Variants in MARCHF6 observed in about 807,000 individuals in gnomAD.
MARCHF6 encodes the protein membrane associated ring-CH-type finger 6, also known as E3 ubiquitin-protein ligase MARCHF6.
MARCHF6 carries 31 observed loss-of-function variants against 133.7 expected under a neutral mutation model. That is an observed-to-expected ratio of 0.23 (90% CI 0.17 to 0.31). MARCHF6 has a LOEUF of 0.31. Among genes scored for constraint, MARCHF6 ranks in the 10% least tolerant of loss-of-function variants. MARCHF6 has a pLI of 1.00. For missense variants in MARCHF6, 723 were observed against 1,121.6 expected, an observed-to-expected ratio of 0.64 and a Z score of 5.08; for synonymous variants, 395 against 402.5, an observed-to-expected ratio of 0.98 and a Z score of 0.22.
chr5:10,403,566 G>A (rs774991271), intron 15 of MARCHF6, 25 bp downstream of exon 15: 10 of 1,581,970 alleles, frequency 6.3e-6, no homozygotes, highest in Non-Finnish European at 8.6e-6. Flanking sequence ...AAATGCTGAT[G>A]CTGTACATTT....
At chr5:10,375,750 G>A (rs1385535853) in intron 1 of MARCHF6, among the ~76,000 whole-genome samples, 1 of 152,218 alleles carries the variant, frequency 6.6e-6, no homozygotes, top group African/African-American at 2.4e-5. Context: ...AGCTGCTCTG[G>A]TGGAGCCTTG....
intron 17 of MARCHF6, 32 bp downstream of exon 17, chr5:10,407,234 A>C: frequency 1.7e-6 from 2 of 1,177,354 alleles, no homozygotes; most frequent in Non-Finnish European, 2.5e-6. Context: ...TAGCTTTACT[A>C]ATTTATCTCT....
chr5:10,402,795 A>G (rs976639250), intron 14 of MARCHF6, among the ~76,000 whole-genome samples, 188 bp downstream of exon 14: 15 of 152,114 alleles, frequency 9.9e-5, no homozygotes, highest in African/African-American at 2.2e-4. Flanking sequence ...GCTTTGTGCA[A>G]ATTTTTGATG....
Position 10,439,612 on chromosome 5 carries a change from A to G in MARCHF6, c.*5928A>G, listed in dbSNP as rs899152289. 6.6e-6 allele frequency: 1 copy of G among 152,236 alleles called. No individual in the cohort carries two copies. Among genetic ancestry groups the G allele is most frequent in the African/African-American group, 2.4e-5 (1 of 41,466 alleles). The allele number at this position is 152,236 out of a possible 1,614,324, so 9.4% of individuals were successfully genotyped here. A position where few individuals can be genotyped will look rare whatever the true frequency, so the allele number is the denominator to read the frequency against. On this transcript the variant is annotated 3_prime_UTR_variant, in exon 26 of 26. Transcript: ENST00000274140. ...AACAAGTAAACCCATTGTTTACTTA[A>G]TCGCTGTTTCTCCTGAGCTTGCTGC...
At chr5:10,398,303 G>C (rs921767893) in intron 10 of MARCHF6, among the ~76,000 whole-genome samples, 2 of 152,174 alleles carry the variant, frequency 1.3e-5, no homozygotes, top group African/African-American at 4.8e-5. Context: ...AAGCCATGTG[G>C]TGTAAGGGGC....
At chr5:10,396,541 G>T (rs1332694394) in intron 9 of MARCHF6, among the ~76,000 whole-genome samples, 2 of 152,186 alleles carry the variant, frequency 1.3e-5, no homozygotes, top group African/African-American at 2.4e-5. Context: ...CCTGAACAGA[G>T]AAATCCTTTT....
At chr5:10,358,318 C>A (rs1419360794) in intron 1 of MARCHF6, among the ~76,000 whole-genome samples, 1 of 152,128 alleles carries the variant, frequency 6.6e-6, no homozygotes, top group Non-Finnish European at 1.5e-5. Flanking sequence ...TGTAGGACTT[C>A]ATTGACTTTT....
At position 10,435,403 on chromosome 5, in the gene MARCHF6, A is replaced by G. The variant is rs1740559155; in HGVS notation, c.*1719A>G. The G allele has an allele frequency of 6.6e-6, 1 of 151,284 alleles. No homozygotes were observed. The highest frequency in any genetic ancestry group is 1.5e-5 in the Non-Finnish European group (1 of 67,790). 9.4% of individuals were successfully genotyped at this position (151,284 alleles called of 1,614,324 possible). A position where few individuals can be genotyped will look rare whatever the true frequency, so the allele number is the denominator to read the frequency against. ...GGAAAAAAAAAAAAAAATCAGTATCAGAAATAATGCTTGACATAGGATTCA... is the reference window on the plus strand; with the variant it reads ...GGAAAAAAAAAAAAAAATCAGTATCGGAAATAATGCTTGACATAGGATTCA... On this transcript the variant is annotated 3_prime_UTR_variant, in exon 26 of 26. Coordinates refer to ENST00000274140, the MANE Select transcript of MARCHF6 (RefSeq NM_005885.4).
chr5:10,426,071 A>G (rs1432434957), intron 23 of MARCHF6, among the ~76,000 whole-genome samples: 2 of 152,240 alleles, frequency 1.3e-5, no homozygotes, highest in Non-Finnish European at 2.9e-5. Context: ...AGTTACTTCA[A>G]GTAATGTGGT....
rs146211119 is a variant in MARCHF6, at chr5:10,391,688, C to T, written c.723C>T (p.Asp241=). The T allele has an allele frequency of 1.3e-4, 210 of 1,602,516 alleles. No individual in the cohort carries two copies. Among genetic ancestry groups the T allele is most frequent in the Middle Eastern group, 3.3e-4 (2 of 6,000 alleles). ...EEEEDNEEED[D]AGVEDAADAN... is the part of the protein sequence containing the mutation. ...AGGAGGACAATGAGGAGGAAGATGA[C>T]GCTGGTGTGGAGGATGCGGCAGATG... The change falls in exon 7 of 26, where the codon GAC becomes GAT. Residue 241 remains aspartate (D), a synonymous_variant. Transcript: ENST00000274140.
In MARCHF6 at chr5:10,408,518, A is replaced by G. The variant is rs376903966; in HGVS notation, c.1553+1316A>G. The stretch of plus-strand genomic sequence containing the variant: ...GCAAGCATTTGATATTCTTTTTAAA[A>G]TCCAGATTAAGGTTTTTAAATTTTA... On this transcript the variant is annotated intron_variant, in intron 17 of 25. Coordinates refer to ENST00000274140, the MANE Select transcript of MARCHF6 (RefSeq NM_005885.4). 3.9e-5 allele frequency among the ~76,000 whole-genome samples: 6 copies of G among 152,256 alleles called. No homozygotes were observed. The East Asian group carries it at 1.2e-3, about 29-fold the overall frequency.
At position 10,387,554 on chromosome 5, in the gene MARCHF6, C is replaced by A. The variant is rs149210754; in HGVS notation, c.407+488C>A. On this transcript the variant is annotated intron_variant, in intron 5 of 25. Coordinates refer to ENST00000274140, the MANE Select transcript of MARCHF6 (RefSeq NM_005885.4). ...CTGACCTCAGGTGATCCACCCGCTT[C>A]GGGCTCCCAAAGTGCTGGGATTACA... is the stretch of plus-strand genomic sequence containing the variant. Among the ~76,000 whole-genome samples the A allele has an allele frequency of 9.4e-3, 1,437 of 152,276 alleles. 8 individuals carry two copies. The highest frequency in any genetic ancestry group is 0.039 in the South Asian group (190 of 4,828).
intron 20 of MARCHF6, among the ~76,000 whole-genome samples, chr5:10,415,240 A>C (rs988415913): frequency 1.3e-5 from 2 of 152,238 alleles, no homozygotes; most frequent in Admixed American, 6.5e-5. Context: ...AGTAATTGGC[A>C]TGACAAATCA....
At chr5:10,364,339 G>A (rs1735999742) in intron 1 of MARCHF6, among the ~76,000 whole-genome samples, 1 of 152,146 alleles carries the variant, frequency 6.6e-6, no homozygotes, top group African/African-American at 2.4e-5. Context: ...AGGGAGTTGG[G>A]ATATCACTGT....
At chr5:10,369,006 T>A (rs1736301636) in intron 1 of MARCHF6, among the ~76,000 whole-genome samples, 1 of 152,168 alleles carries the variant, frequency 6.6e-6, no homozygotes, top group Non-Finnish European at 1.5e-5. Context: ...GGAAGTGCTT[T>A]TGCTAACTGT....
intron 21 of MARCHF6, 76 bp downstream of exon 21, chr5:10,415,745 T>G (rs1194539031): frequency 4.6e-6 from 6 of 1,298,836 alleles, no homozygotes; most frequent in Non-Finnish European, 6.2e-6. Context: ...TAAATTTTTT[T>G]TTTTGGCACA....
chr5:10,403,606 T>C, intron 15 of MARCHF6, 65 bp downstream of exon 15: 4 of 1,439,644 alleles, frequency 2.8e-6, no homozygotes, highest in Non-Finnish European at 3.8e-6. Context: ...TCACCACCAG[T>C]CATGTCTCAA....
rs918072658 is a variant in MARCHF6 at position 10,436,347 on chromosome 5, A to C, written c.*2663A>C. On this transcript the variant is annotated 3_prime_UTR_variant, in exon 26 of 26. Coordinates refer to ENST00000274140, the MANE Select transcript of MARCHF6 (RefSeq NM_005885.4). ...TGTTTTCAATGAGATAAGTATTTTC[A>C]TAGGGAAAGCATTTTCCAGCATAAT... 4.6e-5 allele frequency: 7 copies of C among 152,284 alleles called. No homozygotes were observed. Among genetic ancestry groups the C allele is most frequent in the Admixed American group, 1.3e-4 (2 of 15,292 alleles). 9.4% of individuals were successfully genotyped at this position (152,284 alleles called of 1,614,324 possible).
At position 10,437,535 on chromosome 5, in the gene MARCHF6, T is replaced by C. The variant is rs940783234; in HGVS notation, c.*3851T>C. ...TAATCCCTGACAATATCTTTGGCAT[T>C]AATACGACATAAAGACAAGACAGTA... On this transcript the variant is annotated 3_prime_UTR_variant, in exon 26 of 26. Coordinates refer to ENST00000274140, the MANE Select transcript of MARCHF6 (RefSeq NM_005885.4). The C allele has an allele frequency of 6.6e-6, 1 of 152,252 alleles. No individual in the cohort carries two copies. The highest frequency in any genetic ancestry group is 2.4e-5 in the African/African-American group (1 of 41,468). The allele number at this position is 152,252 out of a possible 1,614,324, so 9.4% of individuals were successfully genotyped here.
Sources: gnomAD v4.1 joint callset for allele counts (sites outside exome capture counted in the v4.1 genomes callset) on GRCh38, gnomAD v4.1.1 for gene constraint, MANE v1.5 for transcripts, NCBI Gene and HGNC (gene_info 2026-07-23, HGNC 2026-07-21) for gene names.